HSF2: variants seen among roughly 807,000 people sequenced by gnomAD.
The protein encoded by HSF2 is heat shock transcription factor 2.
Under a neutral mutation model 65.0 loss-of-function variants are expected in HSF2, and 21 were observed. The ratio of observed to expected loss-of-function variants is 0.32; its 90% CI spans 0.23 to 0.47. HSF2 has a LOEUF of 0.47. Among genes scored for constraint, HSF2 ranks in the 20% least tolerant of loss-of-function variants. HSF2 has a pLI of 1.00. For synonymous variants in HSF2, 225 were observed against 219.1 expected (o/e 1.03, Z -0.24); for missense variants, 499 against 628.1 (o/e 0.79, Z 2.20).
intron 1 of HSF2, among the ~76,000 whole-genome samples, chr6:122,404,439 A>G (rs1773816077): frequency 6.6e-6 from 1 of 152,216 alleles, no homozygotes; most frequent in Admixed American, 6.5e-5. Flanking sequence ...TATATATAAG[A>G]GAAAGAATGA....
At chr6:122,416,620 A>C (rs1007011043) in intron 5 of HSF2, among the ~76,000 whole-genome samples, 8 of 152,230 alleles carry the variant, frequency 5.3e-5, no homozygotes, top group Non-Finnish European at 8.8e-5. Flanking sequence ...TTCTTTTAAA[A>C]TTAGAAAACA....
rs561372310 is a variant in HSF2, at chr6:122,402,003, A to C, written c.93+2173A>C. 9.8e-5 allele frequency among the ~76,000 whole-genome samples: 15 copies of C among 152,354 alleles called. No individual in the cohort carries two copies. In the South Asian group the frequency reaches 2.7e-3, roughly 27 times the overall value. On this transcript the variant is annotated intron_variant, in intron 1 of 12. Transcript: ENST00000368455. ...AGGATGGGTTTGAATGCGGCCCAGCACAAATTCATAAAGTTTCTTAAAGAA... is the reference window on the plus strand; with the variant it reads ...AGGATGGGTTTGAATGCGGCCCAGCCCAAATTCATAAAGTTTCTTAAAGAA...
At chr6:122,404,751 C>G (rs1773826591) in intron 1 of HSF2, among the ~76,000 whole-genome samples, 1 of 152,116 alleles carries the variant, frequency 6.6e-6, no homozygotes, top group Non-Finnish European at 1.5e-5. Context: ...TGTTGTATTG[C>G]TTGAACCTCA....
At chr6:122,412,891 A>G in intron 3 of HSF2, 127 bp downstream of exon 3, 1 of 883,326 alleles carries the variant, frequency 1.1e-6, no homozygotes, top group Non-Finnish European at 1.6e-6. Context: ...TTAGGATAAT[A>G]AAGTTTTACT....
At chr6:122,418,298 C>G (rs1354616083) in intron 5 of HSF2, among the ~76,000 whole-genome samples, 1 of 152,166 alleles carries the variant, frequency 6.6e-6, no homozygotes, top group Non-Finnish European at 1.5e-5. Context: ...AGTTCTTATA[C>G]TCACATCAGT....
Position 122,413,513 on chromosome 6 carries a change from A to G in HSF2, c.331-12A>G, listed in dbSNP as rs766134533. ...ACTGTTTCTTTGATTTTCTAAATTT[A>G]CTTTTTCAAAGGTTTCATCTTCAAA... On this transcript the variant is annotated splice_polypyrimidine_tract_variant and intron_variant, in intron 3 of 12. Transcript: ENST00000368455. 79 of 1,541,906 alleles carry G rather than the reference A, an allele frequency of 5.1e-5. No individual in the cohort carries two copies. The highest frequency in any genetic ancestry group is 9.2e-5 in the South Asian group (8 of 87,216).
chr6:122,418,283 C>G (rs1231410416), intron 5 of HSF2, among the ~76,000 whole-genome samples: 2 of 152,106 alleles, frequency 1.3e-5, no homozygotes, highest in Non-Finnish European at 2.9e-5. Context: ...ATACTCTAAG[C>G]CAGTAGTTCT....
At chr6:122,411,112 G>A (rs1266560592) in intron 1 of HSF2, among the ~76,000 whole-genome samples, 1 of 151,554 alleles carries the variant, frequency 6.6e-6, no homozygotes, top group East Asian at 1.9e-4. Context: ...ACTTCCTTGT[G>A]AACACTTGTT....
intron 4 of HSF2, among the ~76,000 whole-genome samples, chr6:122,414,411 T>A (rs1774075184): frequency 6.6e-6 from 1 of 152,188 alleles, no homozygotes; most frequent in Non-Finnish European, 1.5e-5. Context: ...CTCAAATATC[T>A]TCATTAAAAG....
At chr6:122,420,834 C>G (rs764461260) in intron 7 of HSF2, among the ~76,000 whole-genome samples, 1 of 144,058 alleles carries the variant, frequency 6.9e-6, no homozygotes, top group Non-Finnish European at 1.5e-5. Context: ...GCCTCAGTCT[C>G]CTGAGTAGCT....
At chr6:122,403,162 G>A (rs1040731864) in intron 1 of HSF2, among the ~76,000 whole-genome samples, 6 of 151,864 alleles carry the variant, frequency 4.0e-5, no homozygotes, top group East Asian at 1.9e-4. Flanking sequence ...AATTTTCCTC[G>A]AAATTTGCAA....
At chr6:122,407,913 T>C (rs979434229) in intron 1 of HSF2, among the ~76,000 whole-genome samples, 44 of 152,114 alleles carry the variant, frequency 2.9e-4, no homozygotes, top group African/African-American at 9.7e-4. Flanking sequence ...GTGTTAGAGC[T>C]TTCTCTGCTT....
intron 10 of HSF2, among the ~76,000 whole-genome samples, chr6:122,426,744 C>T (rs1395231421): frequency 2.6e-5 from 4 of 151,938 alleles, no homozygotes; most frequent in African/African-American, 9.7e-5. Flanking sequence ...CTTTTTTGCA[C>T]CTCATTCTAT....
chr6:122,419,302 C>A, intron 6 of HSF2, 73 bp downstream of exon 6: 1 of 669,070 alleles, frequency 1.5e-6, no homozygotes, highest in Non-Finnish European at 2.6e-6. Flanking sequence ...CCATGAGTAG[C>A]CTACACTTGC....
intron 1 of HSF2, among the ~76,000 whole-genome samples, chr6:122,406,688 AACT>A (rs1773874741): frequency 6.6e-6 from 1 of 152,228 alleles, no homozygotes; most frequent in African/African-American, 2.4e-5. Flanking sequence ...ATTTGGTTTG[AACT>A]ACAGGATAAA....
intron 1 of HSF2, 129 bp downstream of exon 1, chr6:122,399,959 C>A: frequency 1.4e-6 from 1 of 718,818 alleles, no homozygotes; most frequent in Non-Finnish European, 2.4e-6. Context: ...GGGGCCTTGG[C>A]GTTCAGCCTC....
chr6:122,416,533 T>C (rs945400859), intron 5 of HSF2, among the ~76,000 whole-genome samples: 4 of 152,228 alleles, frequency 2.6e-5, no homozygotes, highest in Non-Finnish European at 5.9e-5. Context: ...TCAGTAGCTT[T>C]TAGTAAATGA....
chr6:122,399,684 G>T lies in HSF2; in HGVS notation c.-54G>T, dbSNP rs374846295. 6.0e-6 allele frequency: 9 copies of T among 1,497,328 alleles called. No individual in the cohort carries two copies. In the African/African-American group the frequency reaches 1.3e-4, roughly 21 times the overall value. 92.8% of individuals were successfully genotyped at this position (1,497,328 alleles called of 1,614,324 possible). A position where few individuals can be genotyped will look rare whatever the true frequency, so the allele number is the denominator to read the frequency against. ...GGGAGCTGCTGCCGTAGCTGCCGCCGCCGCTACCACCGCGTTCGGGTGTAG... is the reference window on the plus strand; with the variant it reads ...GGGAGCTGCTGCCGTAGCTGCCGCCTCCGCTACCACCGCGTTCGGGTGTAG... On this transcript the variant is annotated 5_prime_UTR_variant, in exon 1 of 13. Coordinates refer to ENST00000368455, the MANE Select transcript of HSF2 (RefSeq NM_004506.4).
At chr6:122,424,103 T>A (rs990992576) in intron 10 of HSF2, among the ~76,000 whole-genome samples, 1 of 152,122 alleles carries the variant, frequency 6.6e-6, no homozygotes, top group Non-Finnish European at 1.5e-5. Context: ...TTTACTCAAA[T>A]ATGTTTTAAT....
Sources: allele counts gnomAD v4.1 joint callset (sites outside exome capture counted in the v4.1 genomes callset), GRCh38; gene constraint gnomAD v4.1.1; transcripts MANE v1.5; gene names NCBI Gene and HGNC (gene_info 2026-07-23, HGNC 2026-07-21).